Variants in CNIH3 observed in about 807,000 individuals in gnomAD.
CNIH3 encodes the protein protein cornichon homolog 3.
Under a neutral mutation model 24.1 loss-of-function variants are expected in CNIH3, and 14 were observed. The ratio of observed to expected loss-of-function variants is 0.58; its 90% confidence interval spans 0.38 to 0.91. CNIH3 has a LOEUF of 0.91. CNIH3 is among the 40% of genes least tolerant of loss of function. CNIH3 has a pLI of 0.00. For missense variants in CNIH3, 178 were observed against 196.8 expected (o/e 0.90, Z 0.57); for synonymous variants, 68 against 73.8 (o/e 0.92, Z 0.40).
At chr1:224,463,792 T>A (rs1201660071) in intron 1 of CNIH3, among the ~76,000 whole-genome samples, 7 of 123,414 alleles carry the variant, frequency 5.7e-5, no homozygotes, top group Non-Finnish European at 6.7e-5. Flanking sequence ...TTTTTTTTTT[T>A]TTTTTTTTTT....
At chr1:224,585,727 C>T (rs1463463228) in intron 5 of CNIH3, among the ~76,000 whole-genome samples, 1 of 151,936 alleles carries the variant, frequency 6.6e-6, no homozygotes, top group Non-Finnish European at 1.5e-5. Flanking sequence ...TCAAGTGATC[C>T]TCCCACTTTG....
upstream of CNIH3, chr1:224,611,425 GTC>G (rs1436424503): frequency 6.6e-6 from 1 of 152,124 alleles, no homozygotes; most frequent in African/African-American, 2.4e-5. Flanking sequence ...AAGTTTTATT[GTC>G]TCTTTCAATA....
chr1:224,721,173 G>A (rs1446557455), intron 3 of CNIH3, among the ~76,000 whole-genome samples: 1 of 152,154 alleles, frequency 6.6e-6, no homozygotes, highest in Non-Finnish European at 1.5e-5. Flanking sequence ...CTCCCCAGCT[G>A]GATGGCTTTG....
chr1:224,716,403 C>T (rs1204579917), intron 3 of CNIH3, among the ~76,000 whole-genome samples: 3 of 152,172 alleles, frequency 2.0e-5, no homozygotes, highest in Admixed American at 2.0e-4. Context: ...CTTCTGTATA[C>T]CCCACCACCA....
chr1:224,730,717 C>A, intron 4 of CNIH3, 143 bp downstream of exon 4: 1 of 589,420 alleles, frequency 1.7e-6, no homozygotes, highest in South Asian at 2.3e-5. Context: ...AAAGCCTGTT[C>A]CCAAACTGCT....
chr1:224,702,948 A>T (rs559784419), intron 3 of CNIH3, among the ~76,000 whole-genome samples: 1 of 152,254 alleles, frequency 6.6e-6, no homozygotes, highest in Admixed American at 6.5e-5. Context: ...GCCTGCAGAA[A>T]CACATTGGTT....
chr1:224,548,698 T>C (rs1679798709), intron 3 of CNIH3, among the ~76,000 whole-genome samples: 1 of 151,656 alleles, frequency 6.6e-6, no homozygotes. Flanking sequence ...GTACACCCTG[T>C]GTGGACACCC....
intron 1 of CNIH3, among the ~76,000 whole-genome samples, chr1:224,465,640 G>A (rs974663562): frequency 2.6e-5 from 4 of 152,072 alleles, no homozygotes; most frequent in South Asian, 2.1e-4. Flanking sequence ...AATTATAAAC[G>A]GGATATTGCA....
chr1:224,526,528 C>T (rs712070), intron 2 of CNIH3, among the ~76,000 whole-genome samples: 1 of 151,994 alleles, frequency 6.6e-6, no homozygotes, highest in South Asian at 2.1e-4. Context: ...TTCTTTTTTG[C>T]GGGTGGGAGA....
chr1:224,508,564 C>G (rs1196944613), intron 1 of CNIH3, among the ~76,000 whole-genome samples: 1 of 152,194 alleles, frequency 6.6e-6, no homozygotes, highest in Admixed American at 6.5e-5. Context: ...AATCTTACTT[C>G]CAGTTCCTTC....
chr1:224,563,847 C>T (rs915299957), intron 3 of CNIH3, among the ~76,000 whole-genome samples: 13 of 152,328 alleles, frequency 8.5e-5, no homozygotes, highest in African/African-American at 3.1e-4. Context: ...TGTCTTCCAG[C>T]TTTCCTGTTG....
chr1:224,667,523 C>A (rs1014472876), intron 1 of CNIH3, among the ~76,000 whole-genome samples: 1 of 152,150 alleles, frequency 6.6e-6, no homozygotes, highest in Non-Finnish European at 1.5e-5. Context: ...CGACAATGAA[C>A]GGAAGAGGAA....
At chr1:224,707,812 C>T (rs1237020943) in intron 3 of CNIH3, among the ~76,000 whole-genome samples, 2 of 152,364 alleles carry the variant, frequency 1.3e-5, no homozygotes, top group East Asian at 1.9e-4. Flanking sequence ...TGGGCATCCA[C>T]CTTGTGTGGC....
chr1:224,586,476 GT>G (rs1238324697), intron 5 of CNIH3, among the ~76,000 whole-genome samples: 32 of 152,130 alleles, frequency 2.1e-4, no homozygotes, highest in Admixed American at 1.9e-3. Context: ...CTCCTACTGG[GT>G]CCCTCCCACA....
rs546319481 is a variant in CNIH3, at chr1:224,444,811, A to G, written n.203+9949A>G. Among the ~76,000 whole-genome samples the G allele has an allele frequency of 3.5e-4, 52 of 147,294 alleles. 2 individuals carry two copies. In the South Asian group the frequency reaches 0.011, roughly 32 times the overall value. On this transcript the variant is annotated intron_variant and non_coding_transcript_variant, in intron 1 of 5. Transcript: ENST00000471578. Reference sequence around the variant, plus strand: ...AGGCGTGCGCCACCACGCCCGGCTAATTTTTGTATTTTTAGTATAGATGAG... The same window carrying G: ...AGGCGTGCGCCACCACGCCCGGCTAGTTTTTGTATTTTTAGTATAGATGAG...
upstream of CNIH3, among the ~76,000 whole-genome samples, chr1:224,514,240 A>G (rs961177537): frequency 6.6e-6 from 1 of 152,218 alleles, no homozygotes; most frequent in Non-Finnish European, 1.5e-5. Flanking sequence ...ATACTTGTCT[A>G]AGTCCTATTG....
chr1:224,643,400 G>GA (rs1684453870), intron 1 of CNIH3, among the ~76,000 whole-genome samples: 1 of 152,204 alleles, frequency 6.6e-6, no homozygotes, highest in Non-Finnish European at 1.5e-5. Flanking sequence ...GGAAACTAGG[G>GA]AAAATGCAGC....
At chr1:224,559,916 A>G (rs1680294722) in intron 3 of CNIH3, among the ~76,000 whole-genome samples, 1 of 152,094 alleles carries the variant, frequency 6.6e-6, no homozygotes, top group Non-Finnish European at 1.5e-5. Flanking sequence ...ATTTTTTTCC[A>G]ATAGTTTTAC....
intron 1 of CNIH3, among the ~76,000 whole-genome samples, chr1:224,635,271 C>T (rs997754189): frequency 2.6e-5 from 4 of 152,142 alleles, no homozygotes; most frequent in African/African-American, 9.7e-5. Context: ...ATGATCCAAT[C>T]ACCTCCCACC....
Sources: gnomAD v4.1 joint callset for allele counts (sites outside exome capture counted in the v4.1 genomes callset) on GRCh38, gnomAD v4.1.1 for gene constraint, MANE v1.5 for transcripts, NCBI Gene and HGNC (gene_info 2026-07-23, HGNC 2026-07-21) for gene names.